The following RABGAP1L variants were observed in gnomAD, a reference collection of about 807,000 sequenced individuals.
The protein encoded by RABGAP1L is rab GTPase-activating protein 1-like.
Under a neutral mutation model 137.7 loss-of-function variants are expected in RABGAP1L, and 63 were observed. That is an observed-to-expected ratio of 0.46 (90% CI 0.37 to 0.56). The LOEUF (loss-of-function observed/expected upper bound fraction) is 0.56. RABGAP1L is among the 20% of genes least tolerant of loss of function. The pLI, the probability that RABGAP1L is intolerant of heterozygous loss-of-function variation, is 0.00. For missense variants in RABGAP1L, 1,095 were observed against 1,244.0 expected, an observed-to-expected ratio of 0.88 and a Z score of 1.80; for synonymous variants, 431 against 433.7, an observed-to-expected ratio of 0.99 and a Z score of 0.08.
intron 19 of RABGAP1L, among the ~76,000 whole-genome samples, chr1:174,842,324 A>C (rs1693503992): frequency 6.6e-6 from 1 of 152,198 alleles, no homozygotes; most frequent in Non-Finnish European, 1.5e-5. Flanking sequence ...TACCCACAGT[A>C]CACACATTTT....
intron 13 of RABGAP1L, among the ~76,000 whole-genome samples, chr1:174,599,752 G>T (rs537618312): frequency 6.6e-6 from 1 of 152,034 alleles, no homozygotes; most frequent in South Asian, 2.1e-4. Flanking sequence ...TTTTAGGATT[G>T]TTTCTTTATC....
intron 15 of RABGAP1L, among the ~76,000 whole-genome samples, chr1:174,695,409 TAA>T (rs1679176292): frequency 6.6e-6 from 1 of 152,154 alleles, no homozygotes; most frequent in African/African-American, 2.4e-5. Context: ...GATACATTTT[TAA>T]GTTTGTCAGT....
intron 13 of RABGAP1L, among the ~76,000 whole-genome samples, chr1:174,548,899 G>A (rs761782229): frequency 6.6e-6 from 1 of 152,152 alleles, no homozygotes; most frequent in Non-Finnish European, 1.5e-5. Context: ...AACTACAATA[G>A]TGATCTAAAG....
chr1:174,312,984 G>T (rs991791664), intron 11 of RABGAP1L, among the ~76,000 whole-genome samples: 1 of 152,174 alleles, frequency 6.6e-6, no homozygotes, highest in Non-Finnish European at 1.5e-5. Flanking sequence ...GTCCCATGCT[G>T]TTTTGGTTAC....
chr1:174,322,271 T>C (rs1170511293), intron 11 of RABGAP1L, among the ~76,000 whole-genome samples: 2 of 151,260 alleles, frequency 1.3e-5, no homozygotes, highest in African/African-American at 2.4e-5. Context: ...GAGGTTAAAG[T>C]TCCTGTTTTT....
intron 18 of RABGAP1L, among the ~76,000 whole-genome samples, chr1:174,798,533 G>A (rs1228908233): frequency 2.0e-5 from 3 of 152,042 alleles, no homozygotes; most frequent in South Asian, 4.1e-4. Context: ...GTTTTTCTGA[G>A]ATTTTGGAAA....
At chr1:174,886,578 T>C (rs1655176789) in intron 19 of RABGAP1L, among the ~76,000 whole-genome samples, 1 of 152,238 alleles carries the variant, frequency 6.6e-6, no homozygotes, top group African/African-American at 2.4e-5. Flanking sequence ...AATTGCTACA[T>C]ACTAACTTAA....
intron 17 of RABGAP1L, among the ~76,000 whole-genome samples, chr1:174,706,820 A>G (rs1680083896): frequency 6.6e-6 from 1 of 152,180 alleles, no homozygotes; most frequent in Non-Finnish European, 1.5e-5. Context: ...AACTTTATGT[A>G]TGTGGAATCA....
chr1:174,393,912 T>C, intron 12 of RABGAP1L, 83 bp from the exon 13 acceptor site: 3 of 1,466,282 alleles, frequency 2.0e-6, no homozygotes, highest in Non-Finnish European at 2.8e-6. Flanking sequence ...TACACTTTTA[T>C]ATAAACTAGT....
At chr1:174,864,359 A>C (rs1217366315) in intron 19 of RABGAP1L, among the ~76,000 whole-genome samples, 1 of 152,212 alleles carries the variant, frequency 6.6e-6, no homozygotes, top group Non-Finnish European at 1.5e-5. Context: ...ATATTAGTTC[A>C]TTCTCACGCT....
chr1:174,804,909 A>G (rs1374290439), intron 18 of RABGAP1L, among the ~76,000 whole-genome samples: 3 of 152,186 alleles, frequency 2.0e-5, no homozygotes, highest in Admixed American at 2.0e-4. Context: ...AGAGGAGAAT[A>G]TGTCTTCCCT....
chr1:174,732,599 T>G (rs1682576616), intron 17 of RABGAP1L, among the ~76,000 whole-genome samples: 2 of 152,134 alleles, frequency 1.3e-5, no homozygotes, highest in Admixed American at 1.3e-4. Context: ...TTCAGTAACA[T>G]GAAAAATTCA....
chr1:174,357,665 T>C (rs1683755347), intron 11 of RABGAP1L, among the ~76,000 whole-genome samples: 1 of 152,116 alleles, frequency 6.6e-6, no homozygotes, highest in Non-Finnish European at 1.5e-5. Context: ...TTCCAGGAAA[T>C]GGAGGTTGAT....
rs1571374901 is a variant in RABGAP1L, at chr1:174,175,457, C to G, written c.-34+15800C>G. Among the ~76,000 whole-genome samples the G allele has an allele frequency of 2.0e-5, 3 of 151,512 alleles. No individual in the cohort carries two copies. In the East Asian group the frequency reaches 5.8e-4, roughly 29 times the overall value. ...ACTAATCACATTGTATTGCAACTTG[C>G]CTGTTTCTGCATTAGACTACAGGCT... On this transcript the variant is annotated intron_variant, in intron 1 of 25. Coordinates refer to ENST00000681986, the MANE Select transcript of RABGAP1L (RefSeq NM_001366446.1).
chr1:174,189,300 C>T lies in RABGAP1L; in HGVS notation c.-34+29643C>T, dbSNP rs534700085. The stretch of plus-strand genomic sequence containing the variant: ...GATTACAGGCGTGAGCCACGACGCC[C>T]GGCAGATAGCATTTCTTTCAGTAGA... On this transcript the variant is annotated intron_variant, in intron 1 of 25. Coordinates refer to ENST00000681986, the MANE Select transcript of RABGAP1L (RefSeq NM_001366446.1). Among the ~76,000 whole-genome samples the T allele has an allele frequency of 4.2e-4, 64 of 152,272 alleles. 1 individual carries two copies. The highest frequency in any genetic ancestry group is 5.8e-4 in the East Asian group (3 of 5,182).
chr1:174,218,859 A>T (rs190529208), intron 1 of RABGAP1L, among the ~76,000 whole-genome samples: 8 of 152,168 alleles, frequency 5.3e-5, no homozygotes, highest in Admixed American at 5.2e-4. Flanking sequence ...AACAGTGATA[A>T]ATCTGGTTGA....
intron 13 of RABGAP1L, among the ~76,000 whole-genome samples, chr1:174,605,647 A>G (rs969453093): frequency 5.3e-5 from 8 of 152,132 alleles, no homozygotes; most frequent in African/African-American, 1.7e-4. Context: ...CACATGGAAT[A>G]TTTACTCAAC....
chr1:174,670,802 A>T (rs1332565107), intron 14 of RABGAP1L, among the ~76,000 whole-genome samples: 2 of 151,982 alleles, frequency 1.3e-5, no homozygotes, highest in Non-Finnish European at 2.9e-5. Context: ...CTGTTGATGG[A>T]CTCTGTGTTG....
rs575491224 is a variant in RABGAP1L, at chr1:174,351,801, G to A, written c.1466-19178G>A. On this transcript the variant is annotated intron_variant, in intron 11 of 25. Transcript: ENST00000681986. ...GTTCTCTGTGTGTTTTTTTTGTTTT[G>A]TTTTGTTTTGTTTTGTTTGAGATGG... is the stretch of plus-strand genomic sequence containing the variant. Among the ~76,000 whole-genome samples, 922 of 150,328 alleles carry A rather than the reference G, an allele frequency of 6.1e-3. 16 individuals are homozygous for A. The highest frequency in any genetic ancestry group is 0.021 in the African/African-American group (851 of 40,562).
Sources: gnomAD v4.1 joint callset for allele counts (sites outside exome capture counted in the v4.1 genomes callset) on GRCh38, gnomAD v4.1.1 for gene constraint, MANE v1.5 for transcripts, NCBI Gene and HGNC (gene_info 2026-07-23, HGNC 2026-07-21) for gene names.